CNTN4: variants seen among roughly 807,000 people sequenced by gnomAD.
The protein encoded by CNTN4 is contactin-4.
Under a neutral mutation model 122.5 loss-of-function variants are expected in CNTN4, and 77 were observed. The observed-to-expected ratio is 0.63, with a 90% CI of 0.52 to 0.76. The LOEUF (loss-of-function observed/expected upper bound fraction) is 0.76, where lower values mean the gene tolerates loss of function less well. Ranked by LOEUF, CNTN4 falls within the 30% of genes least tolerant of loss-of-function variation. The probability of loss-of-function intolerance (pLI) is 0.00; values close to 1 mark genes in which losing one functional copy is unlikely to be tolerated. For missense variants in CNTN4, 1,256 were observed against 1,259.1 expected (o/e 1.00, Z 0.04); for synonymous variants, 512 against 447.0 (o/e 1.15, Z -1.83).
chr3:2,308,607 G>A (rs2150123920), intron 2 of CNTN4, among the ~76,000 whole-genome samples: 1 of 152,088 alleles, frequency 6.6e-6, no homozygotes, highest in South Asian at 2.1e-4. Context: ...GCATCTCAAA[G>A]TCTGAAAGTA....
intron 3 of CNTN4, among the ~76,000 whole-genome samples, chr3:2,545,021 T>A (rs973232479): frequency 1.3e-5 from 2 of 152,106 alleles, no homozygotes; most frequent in Non-Finnish European, 2.9e-5. Flanking sequence ...GCTGTAAACT[T>A]TTCTCTTAAC....
At chr3:2,482,258 A>G (rs907921128) in intron 3 of CNTN4, among the ~76,000 whole-genome samples, 1 of 152,156 alleles carries the variant, frequency 6.6e-6, no homozygotes, top group Admixed American at 6.5e-5. Context: ...GTGACTTGCT[A>G]TGATTTAGCA....
intron 3 of CNTN4, among the ~76,000 whole-genome samples, chr3:2,512,540 TAA>T (rs1382453663): frequency 6.6e-6 from 1 of 152,218 alleles, no homozygotes; most frequent in Non-Finnish European, 1.5e-5. Flanking sequence ...TTAGTGAAAT[TAA>T]AGATTGTTAT....
chr3:2,917,129 G>T, intron 12 of CNTN4, among the ~76,000 whole-genome samples: 1 of 143,224 alleles, frequency 7.0e-6, no homozygotes, highest in Non-Finnish European at 1.5e-5. Context: ...GCGAAACCCC[G>T]TCTCCACCAA....
chr3:2,464,403 C>G (rs936211629), intron 3 of CNTN4, among the ~76,000 whole-genome samples: 2 of 152,324 alleles, frequency 1.3e-5, no homozygotes, highest in East Asian at 3.9e-4. Flanking sequence ...GTAACTCCCT[C>G]TACCTGAACC....
chr3:2,974,348 C>T (rs1245407602), intron 13 of CNTN4, among the ~76,000 whole-genome samples: 3 of 152,070 alleles, frequency 2.0e-5, no homozygotes, highest in Non-Finnish European at 1.5e-5. Flanking sequence ...TAGAATGATA[C>T]TGAAAATAAT....
chr3:2,870,960 A>G (rs1185811988), intron 8 of CNTN4, among the ~76,000 whole-genome samples: 2 of 152,098 alleles, frequency 1.3e-5, no homozygotes, highest in East Asian at 1.9e-4. Context: ...TTCACTGACC[A>G]TTTACCACTC....
At position 2,345,187 on chromosome 3, in the gene CNTN4, A is replaced by G. The variant is rs188677885; in HGVS notation, c.-89+5954A>G. Among the ~76,000 whole-genome samples the G allele has an allele frequency of 2.8e-3, 424 of 152,312 alleles. 4 individuals are homozygous for G. The highest frequency in any genetic ancestry group is 0.014 in the Middle Eastern group (4 of 294). On this transcript the variant is annotated intron_variant, in intron 3 of 24. Transcript: ENST00000418658. Reference sequence around the variant, plus strand: ...ATGCATATGCTTCTGAATACAATTTAAGCTGCTGCCAATAAGAAAATAAGC... The same window carrying G: ...ATGCATATGCTTCTGAATACAATTTGAGCTGCTGCCAATAAGAAAATAAGC...
intron 2 of CNTN4, among the ~76,000 whole-genome samples, chr3:2,312,102 C>T (rs953123545): frequency 1.8e-4 from 27 of 151,728 alleles, no homozygotes; most frequent in Non-Finnish European, 4.0e-4. Context: ...TCACTGAGCC[C>T]AGGAGTTCAA....
intron 2 of CNTN4, among the ~76,000 whole-genome samples, chr3:2,232,034 G>GAT (rs1461174537): frequency 6.6e-6 from 1 of 151,984 alleles, no homozygotes; most frequent in South Asian, 2.1e-4. Context: ...TTTAGATATA[G>GAT]ATATATATAG....
intron 4 of CNTN4, among the ~76,000 whole-genome samples, chr3:2,712,347 A>G (rs1003931963): frequency 1.3e-5 from 2 of 152,190 alleles, no homozygotes; most frequent in Non-Finnish European, 2.9e-5. Flanking sequence ...TTGAACAACT[A>G]TTGAAAGTCC....
At chr3:3,009,668 C>T (rs532430778) in intron 14 of CNTN4, among the ~76,000 whole-genome samples, 16 of 152,212 alleles carry the variant, frequency 1.1e-4, no homozygotes, top group East Asian at 5.8e-4. Flanking sequence ...CTCCTGACCT[C>T]GTGATCTGCC....
rs73804699 is a variant in CNTN4 at position 2,126,045 on chromosome 3, G to A, written c.-145+25406G>A. ...TGTTATACTAAAAGCTCTTTCCGTA[G>A]TGTGTCTTCATTGCAAGCATCCATT... On this transcript the variant is annotated intron_variant, in intron 2 of 24. Coordinates refer to ENST00000418658, the MANE Select transcript of CNTN4 (RefSeq NM_175607.3). 1.7e-3 allele frequency among the ~76,000 whole-genome samples: 261 copies of A among 152,202 alleles called. 1 individual carries two copies. The highest frequency in any genetic ancestry group is 6.1e-3 in the African/African-American group (252 of 41,506).
intron 23 of CNTN4, among the ~76,000 whole-genome samples, chr3:3,044,213 TGAAAA>T (rs1412042107): frequency 3.9e-5 from 6 of 152,158 alleles, no homozygotes; most frequent in Admixed American, 2.6e-4. Context: ...AATGAGAAAA[TGAAAA>T]GAACATGTCT....
intron 2 of CNTN4, among the ~76,000 whole-genome samples, chr3:2,210,024 T>G (rs774878029): frequency 6.6e-6 from 1 of 152,126 alleles, no homozygotes; most frequent in Non-Finnish European, 1.5e-5. Flanking sequence ...GATACACACT[T>G]TAGCCTAGAA....
chr3:2,506,875 A>T (rs2076744640), intron 3 of CNTN4, among the ~76,000 whole-genome samples: 1 of 152,120 alleles, frequency 6.6e-6, no homozygotes, highest in South Asian at 2.1e-4. Flanking sequence ...TTTCTGAGGC[A>T]TAATCTAGTG....
intron 4 of CNTN4, among the ~76,000 whole-genome samples, chr3:2,710,136 G>A (rs2087040205): frequency 6.6e-6 from 1 of 152,158 alleles, no homozygotes; most frequent in African/African-American, 2.4e-5. Context: ...AATGTCTTAT[G>A]AGCATTTCGG....
intron 6 of CNTN4, among the ~76,000 whole-genome samples, chr3:2,760,673 A>G (rs1459768515): frequency 2.6e-5 from 4 of 152,242 alleles, no homozygotes; most frequent in Non-Finnish European, 5.9e-5. Flanking sequence ...CGCATGAGCT[A>G]TGGACTCTAT....
At chr3:2,822,669 C>G (rs370488996) in intron 7 of CNTN4, among the ~76,000 whole-genome samples, 1 of 152,126 alleles carries the variant, frequency 6.6e-6, no homozygotes, top group African/African-American at 2.4e-5. Context: ...CACCACTGTC[C>G]GATATAATGA....
Sources: gnomAD v4.1 joint callset for allele counts (sites outside exome capture counted in the v4.1 genomes callset) on GRCh38, gnomAD v4.1.1 for gene constraint, MANE v1.5 for transcripts, NCBI Gene and HGNC (gene_info 2026-07-23, HGNC 2026-07-21) for gene names.